Variants in PPFIBP1 observed in about 807,000 individuals in gnomAD.
The protein encoded by PPFIBP1 is PPFIB scaffold protein 1.
PPFIBP1 carries 112 observed loss-of-function variants against 137.8 expected under a neutral mutation model. That is an observed-to-expected ratio of 0.81 (90% CI 0.70 to 0.95). The LOEUF is 0.95. Ranked by LOEUF, PPFIBP1 falls within the 40% of genes least tolerant of loss-of-function variation. The pLI is 0.00. For missense variants in PPFIBP1, 1,083 were observed against 1,196.6 expected (o/e 0.91, Z 1.40); for synonymous variants, 378 against 417.3 (o/e 0.91, Z 1.15).
chr12:27,658,741 A>G (rs932141563), intron 9 of PPFIBP1, 75 bp from the exon 10 acceptor site: 12 of 1,449,712 alleles, frequency 8.3e-6, no homozygotes, highest in Non-Finnish European at 1.2e-5. Flanking sequence ...AAGAGACTAA[A>G]TAGTAGTGAT....
At chr12:27,659,912 C>T (rs189070478) in intron 10 of PPFIBP1, among the ~76,000 whole-genome samples, 2 of 151,994 alleles carry the variant, frequency 1.3e-5, no homozygotes, top group East Asian at 3.9e-4. Flanking sequence ...GCCATGCACT[C>T]CATCTGAATG....
intron 1 of PPFIBP1, among the ~76,000 whole-genome samples, chr12:27,541,538 C>T (rs1329818864): frequency 6.6e-6 from 1 of 152,138 alleles, no homozygotes; most frequent in East Asian, 1.9e-4. Flanking sequence ...CCAGTTCTCA[C>T]CCCTTAAGTT....
intron 1 of PPFIBP1, among the ~76,000 whole-genome samples, chr12:27,559,901 A>T (rs1260772270): frequency 6.6e-6 from 1 of 152,236 alleles, no homozygotes; most frequent in Non-Finnish European, 1.5e-5. Flanking sequence ...ATAGGCTAGG[A>T]GATGCTGAAG....
chr12:27,686,470 AG>A (rs1021553593), intron 24 of PPFIBP1, among the ~76,000 whole-genome samples: 2 of 152,176 alleles, frequency 1.3e-5, no homozygotes, highest in Non-Finnish European at 2.9e-5. Flanking sequence ...TCTTCCTTGA[AG>A]GGGTTGATTG....
intron 13 of PPFIBP1, among the ~76,000 whole-genome samples, chr12:27,670,805 A>ATAG (rs1555238714): frequency 9.4e-5 from 14 of 148,778 alleles, no homozygotes; most frequent in African/African-American, 3.2e-4. Context: ...AATAATAATA[A>ATAG]TAATAATAAT....
At chr12:27,652,922 A>G (rs1183159490) in intron 7 of PPFIBP1, among the ~76,000 whole-genome samples, 5 of 152,180 alleles carry the variant, frequency 3.3e-5, no homozygotes, top group African/African-American at 1.2e-4. Context: ...AATCACAAAT[A>G]TGTTGCTGAA....
intron 2 of PPFIBP1, among the ~76,000 whole-genome samples, chr12:27,614,384 A>T (rs570112821): frequency 2.6e-5 from 4 of 152,084 alleles, no homozygotes; most frequent in African/African-American, 7.2e-5. Flanking sequence ...CTCTGTATTT[A>T]AAAAAAAGAG....
chr12:27,560,751 C>T (rs187384784), intron 1 of PPFIBP1, among the ~76,000 whole-genome samples: 1 of 152,170 alleles, frequency 6.6e-6, no homozygotes, highest in South Asian at 2.1e-4. Context: ...GATCTAAATC[C>T]AGCCCTCCTG....
At chr12:27,592,699 G>A (rs2052666507) in intron 2 of PPFIBP1, 11 of 1,279,916 alleles carry the variant, frequency 8.6e-6, no homozygotes, top group Non-Finnish European at 1.1e-5. Flanking sequence ...TGACAGGATT[G>A]AGATCTCTGG....
intron 2 of PPFIBP1, among the ~76,000 whole-genome samples, chr12:27,614,745 TA>T (rs940950650): frequency 3.3e-5 from 5 of 151,872 alleles, no homozygotes; most frequent in African/African-American, 9.7e-5. Context: ...ATTTTTTCAA[TA>T]AAAAAAATAA....
chr12:27,553,392 G>A (rs1946975187), intron 1 of PPFIBP1, among the ~76,000 whole-genome samples: 1 of 152,088 alleles, frequency 6.6e-6, no homozygotes, highest in East Asian at 1.9e-4. Context: ...CTGTCTTACC[G>A]ATAGGTTGCC....
rs2059222642 is a variant in PPFIBP1, at chr12:27,656,711, G to C, written c.792G>C (p.Gly264=). Reference sequence around the variant, plus strand: ...TGGTTTGCAAGATGAAAGGAGAAGGGGTTGAAATTGTTGATAGAGGTAAGA... The same window carrying C: ...TGGTTTGCAAGATGAAAGGAGAAGGCGTTGAAATTGTTGATAGAGGTAAGA... ...EKLVCKMKGE[G]VEIVDRDENF... The change falls in exon 9 of 30, where the codon GGG becomes GGC. Residue 264 remains glycine, a synonymous_variant. Coordinates refer to ENST00000228425, the MANE Select transcript of PPFIBP1 (RefSeq NM_003622.4). 6.2e-7 allele frequency: 1 copy of C among 1,604,602 alleles called. No individual in the cohort carries two copies. Among genetic ancestry groups the C allele is most frequent in the South Asian group, 1.1e-5 (1 of 90,792 alleles).
chr12:27,592,422 A>C (rs866093264), intron 2 of PPFIBP1: 1 of 725,600 alleles, frequency 1.4e-6, no homozygotes, highest in Middle Eastern at 3.0e-4. Flanking sequence ...TATCTTATGG[A>C]TTATTTTCAA....
intron 2 of PPFIBP1, among the ~76,000 whole-genome samples, chr12:27,630,067 C>A (rs911141011): frequency 6.6e-6 from 1 of 151,998 alleles, no homozygotes; most frequent in African/African-American, 2.4e-5. Flanking sequence ...ATAATATTTT[C>A]AAATCTTGTG....
intron 2 of PPFIBP1, among the ~76,000 whole-genome samples, chr12:27,620,349 T>C (rs1051810063): frequency 2.6e-4 from 39 of 152,286 alleles, no homozygotes; most frequent in Admixed American, 3.9e-4. Context: ...ACTAACCCTC[T>C]GGCTCACCAG....
intron 1 of PPFIBP1, among the ~76,000 whole-genome samples, chr12:27,524,845 A>G (rs531470723): frequency 3.9e-5 from 6 of 152,194 alleles, no homozygotes; most frequent in Admixed American, 6.5e-5. Flanking sequence ...TTATATATCA[A>G]TGTAAAATAT....
intron 2 of PPFIBP1, among the ~76,000 whole-genome samples, chr12:27,625,118 C>T (rs1159002501): frequency 1.3e-5 from 2 of 151,792 alleles, no homozygotes; most frequent in Non-Finnish European, 1.5e-5. Context: ...AAAAATAAGC[C>T]AGGTGTGGTA....
chr12:27,645,619 A>G (rs1214728332), intron 4 of PPFIBP1, among the ~76,000 whole-genome samples: 2 of 152,192 alleles, frequency 1.3e-5, no homozygotes, highest in Non-Finnish European at 2.9e-5. Flanking sequence ...CAGGACAAAA[A>G]GTGTTAAAAT....
intron 2 of PPFIBP1, among the ~76,000 whole-genome samples, chr12:27,620,406 T>C (rs975364810): frequency 1.3e-5 from 2 of 152,168 alleles, no homozygotes; most frequent in African/African-American, 4.8e-5. Flanking sequence ...AGCTCTCCCT[T>C]CTAGGGGCCT....
Sources: allele counts gnomAD v4.1 joint callset (sites outside exome capture counted in the v4.1 genomes callset), GRCh38; gene constraint gnomAD v4.1.1; transcripts MANE v1.5; gene names NCBI Gene and HGNC (gene_info 2026-07-23, HGNC 2026-07-21).